The following ERI3 variants were observed in gnomAD, a reference collection of about 807,000 sequenced individuals.
ERI3 encodes the protein ERI1 exoribonuclease family member 3, also known as ERI1 exoribonuclease 3.
Under a neutral mutation model 44.4 loss-of-function variants are expected in ERI3, and 18 were observed. The ratio of observed to expected loss-of-function variants is 0.41; its 90% CI spans 0.28 to 0.60. ERI3 has a LOEUF of 0.60. Ranked by LOEUF, ERI3 falls within the 20% of genes least tolerant of loss-of-function variation. The pLI, the probability that ERI3 is intolerant of heterozygous loss-of-function variation, is 0.36. For missense variants in ERI3, 294 were observed against 435.5 expected (o/e 0.68, Z 2.89); for synonymous variants, 183 against 164.8 (o/e 1.11, Z -0.84).
intron 6 of ERI3, among the ~76,000 whole-genome samples, chr1:44,295,977 A>G (rs1295462633): frequency 6.6e-6 from 1 of 152,190 alleles, no homozygotes; most frequent in Admixed American, 6.5e-5. Flanking sequence ...GGCCCCATCA[A>G]CCAAGCCTAC....
chr1:44,286,585 T>C (rs895260976), intron 6 of ERI3, among the ~76,000 whole-genome samples: 1 of 151,780 alleles, frequency 6.6e-6, no homozygotes, highest in Non-Finnish European at 1.5e-5. Flanking sequence ...CCCAGGCTAA[T>C]GCCTTGCAAG....
At chr1:44,321,199 A>G (rs1347466230) in intron 3 of ERI3, among the ~76,000 whole-genome samples, 1 of 152,202 alleles carries the variant, frequency 6.6e-6, no homozygotes, top group Non-Finnish European at 1.5e-5. Flanking sequence ...TCAATCCAAC[A>G]CATCAGGACC....
intron 6 of ERI3, among the ~76,000 whole-genome samples, chr1:44,289,045 T>A (rs530152682): frequency 1.1e-3 from 171 of 152,288 alleles, no homozygotes; most frequent in African/African-American, 4.0e-3. Context: ...CCAAACATCA[T>A]CTGGTCATGC....
In ERI3 at chr1:44,313,141, G is replaced by A. The variant is rs577816743; in HGVS notation, c.666+28C>T. Reference sequence around the variant, plus strand: ...GAAAGGCAGCAGGAAGGGGTCAGAGGTCAGGAATTAAAGGTCACTCAACCT... The same window carrying A: ...GAAAGGCAGCAGGAAGGGGTCAGAGATCAGGAATTAAAGGTCACTCAACCT... On this transcript the variant is annotated intron_variant, in intron 5 of 8. Coordinates refer to ENST00000372257, the MANE Select transcript of ERI3 (RefSeq NM_024066.3). The A allele has an allele frequency of 2.4e-5, 39 of 1,609,778 alleles. No homozygotes were observed. In the South Asian group the frequency reaches 4.2e-4, roughly 17 times the overall value.
intron 7 of ERI3, among the ~76,000 whole-genome samples, chr1:44,259,516 C>T (rs1192511804): frequency 6.6e-6 from 1 of 152,094 alleles, no homozygotes; most frequent in African/African-American, 2.4e-5. Context: ...CACTACCACG[C>T]TATGTGATCT....
At chr1:44,290,076 G>A (rs868530266) in intron 6 of ERI3, among the ~76,000 whole-genome samples, 2 of 152,374 alleles carry the variant, frequency 1.3e-5, no homozygotes, top group Middle Eastern at 3.4e-3. Flanking sequence ...CTTTGAAGAG[G>A]AGGGAGACCA....
chr1:44,344,563 C>T (rs1470401783), intron 2 of ERI3, among the ~76,000 whole-genome samples: 3 of 152,172 alleles, frequency 2.0e-5, no homozygotes, highest in Non-Finnish European at 4.4e-5. Flanking sequence ...ATCCCACTTG[C>T]CCTTGCACCC....
intron 2 of ERI3, among the ~76,000 whole-genome samples, chr1:44,349,093 G>A (rs1044451469): frequency 3.9e-5 from 6 of 152,184 alleles, no homozygotes; most frequent in Non-Finnish European, 5.9e-5. Context: ...CTGCTCACTC[G>A]ATTTGCTTTA....
intron 2 of ERI3, among the ~76,000 whole-genome samples, chr1:44,343,070 G>C (rs1646716874): frequency 6.6e-6 from 1 of 150,814 alleles, no homozygotes; most frequent in Non-Finnish European, 1.5e-5. Flanking sequence ...AGAAATGGCT[G>C]ATTCCAGGGA....
chr1:44,269,668 T>C (rs989402166), intron 7 of ERI3, among the ~76,000 whole-genome samples: 3 of 152,220 alleles, frequency 2.0e-5, no homozygotes, highest in African/African-American at 7.2e-5. Context: ...TGACTTTCAT[T>C]GAACACACAA....
At chr1:44,279,475 C>T (rs1448744946) in intron 7 of ERI3, among the ~76,000 whole-genome samples, 1 of 152,180 alleles carries the variant, frequency 6.6e-6, no homozygotes, top group African/African-American at 2.4e-5. Flanking sequence ...ATCCTCCCAC[C>T]TCAGCCTCCC....
intron 6 of ERI3, 34 bp from the exon 7 acceptor site, chr1:44,284,941 C>T (rs770949559): frequency 2.0e-5 from 31 of 1,572,536 alleles, no homozygotes; most frequent in East Asian, 2.2e-5. Flanking sequence ...ACAAGTTGGG[C>T]GCATCCATGT....
At chr1:44,313,319 T>C in intron 4 of ERI3, 91 bp from the exon 5 acceptor site, 1 of 1,266,682 alleles carries the variant, frequency 7.9e-7, no homozygotes, top group Non-Finnish European at 1.1e-6. Flanking sequence ...TTTTTCTCCT[T>C]CTGTTGTAAA....
At chr1:44,354,376 G>A in intron 1 of ERI3, 1 of 985,404 alleles carries the variant, frequency 1.0e-6, no homozygotes, top group African/African-American at 1.7e-5. Flanking sequence ...AAGTCAACAA[G>A]GAGCAGTTAT....
rs150221900 is a variant in ERI3 at position 44,316,306 on chromosome 1, G to A, written c.607-3078C>T. ...ACCTTAGCCACTTAAAGCAGGAGAG[G>A]TGAGAGGAAGAATTAATGTGTGCTC... On this transcript the variant is annotated intron_variant, in intron 4 of 8. Transcript: ENST00000372257. Among the ~76,000 whole-genome samples the A allele has an allele frequency of 1.9e-3, 286 of 152,296 alleles. 1 individual carries two copies. In the Middle Eastern group the frequency reaches 0.024, roughly 13 times the overall value.
At chr1:44,271,459 T>G (rs1018683828) in intron 7 of ERI3, among the ~76,000 whole-genome samples, 1 of 152,120 alleles carries the variant, frequency 6.6e-6, no homozygotes, top group African/African-American at 2.4e-5. Context: ...AAATGACTCC[T>G]CCCTCCTTTG....
At chr1:44,293,538 G>C (rs1645550914) in intron 6 of ERI3, among the ~76,000 whole-genome samples, 1 of 152,186 alleles carries the variant, frequency 6.6e-6, no homozygotes. Context: ...CATGCTTCCA[G>C]ATCCAGGCGA....
intron 3 of ERI3, among the ~76,000 whole-genome samples, chr1:44,327,808 A>G (rs1345567303): frequency 6.6e-6 from 1 of 152,234 alleles, no homozygotes. Context: ...TGTCTTGCTC[A>G]GGATCACAAG....
chr1:44,303,996 T>G (rs1195099043), intron 6 of ERI3, among the ~76,000 whole-genome samples: 1 of 151,804 alleles, frequency 6.6e-6, no homozygotes, highest in African/African-American at 2.4e-5. Context: ...ATTTGGCAAT[T>G]AATTGGTGTG....
Sources: gnomAD v4.1 joint callset for allele counts (sites outside exome capture counted in the v4.1 genomes callset) on GRCh38, gnomAD v4.1.1 for gene constraint, MANE v1.5 for transcripts, NCBI Gene and HGNC (gene_info 2026-07-23, HGNC 2026-07-21) for gene names.